The following MAGI2 variants were observed in gnomAD, a reference collection of about 807,000 sequenced individuals.
MAGI2 encodes membrane-associated guanylate kinase, WW and PDZ domain-containing protein 2.
A neutral mutation model predicts 133.3 loss-of-function variants in MAGI2; 35 were observed. That is an observed-to-expected ratio of 0.26 (90% CI 0.20 to 0.35). MAGI2 has a LOEUF of 0.35. MAGI2 is among the 10% of genes least tolerant of loss of function. The pLI, the probability that MAGI2 is intolerant of heterozygous loss-of-function variation, is 1.00. For missense variants in MAGI2, 1,636 were observed against 1,863.4 expected, an observed-to-expected ratio of 0.88 and a Z score of 2.25; for synonymous variants, 729 against 710.6, an observed-to-expected ratio of 1.03 and a Z score of -0.41.
intron 3 of MAGI2, among the ~76,000 whole-genome samples, chr7:78,587,378 C>A (rs1160315649): frequency 2.6e-5 from 4 of 152,084 alleles, no homozygotes; most frequent in African/African-American, 9.7e-5. Context: ...AATCACAGAG[C>A]ACTTACAGCT....
At chr7:78,823,928 C>A (rs1243370442) in intron 2 of MAGI2, among the ~76,000 whole-genome samples, 1 of 152,032 alleles carries the variant, frequency 6.6e-6, no homozygotes. Flanking sequence ...CACACACACA[C>A]ACACACAAAA....
At chr7:79,329,592 A>T (rs1839922610) in intron 1 of MAGI2, among the ~76,000 whole-genome samples, 1 of 152,264 alleles carries the variant, frequency 6.6e-6, no homozygotes, top group African/African-American at 2.4e-5. Flanking sequence ...TAGTAGCCAC[A>T]TATAGAATCA....
At chr7:78,745,573 G>T (rs1003118745) in intron 2 of MAGI2, among the ~76,000 whole-genome samples, 1 of 152,034 alleles carries the variant, frequency 6.6e-6, no homozygotes, top group Admixed American at 6.6e-5. Flanking sequence ...AGAGGATTTG[G>T]TAAGTTGTGT....
At chr7:78,201,360 T>C (rs1829234549) in intron 10 of MAGI2, among the ~76,000 whole-genome samples, 167 bp from the exon 11 acceptor site, 1 of 152,228 alleles carries the variant, frequency 6.6e-6, no homozygotes, top group African/African-American at 2.4e-5. Flanking sequence ...CAAAATCAAA[T>C]AATTTCATTG....
chr7:78,629,771 C>T (rs951771002), intron 2 of MAGI2, among the ~76,000 whole-genome samples: 7 of 152,170 alleles, frequency 4.6e-5, no homozygotes, highest in South Asian at 2.1e-4. Flanking sequence ...ACTGCTTTGA[C>T]GTTTTGCAGA....
intron 2 of MAGI2, among the ~76,000 whole-genome samples, chr7:78,737,722 G>A (rs1245078115): frequency 3.3e-5 from 5 of 152,018 alleles, no homozygotes; most frequent in African/African-American, 1.2e-4. Flanking sequence ...GGAAAATATA[G>A]TTATGTCTCA....
intron 1 of MAGI2, chr7:79,009,260 C>A (rs2116551905): frequency 6.6e-6 from 1 of 151,872 alleles, no homozygotes; most frequent in South Asian, 2.1e-4. Flanking sequence ...AATTACATTT[C>A]TTGAAAGTTA....
At chr7:78,044,684 T>C (rs1811215313) in intron 21 of MAGI2, among the ~76,000 whole-genome samples, 1 of 106,272 alleles carries the variant, frequency 9.4e-6, no homozygotes, top group African/African-American at 4.1e-5. Flanking sequence ...GTACCGTGTG[T>C]GTGTGTGTGT....
In MAGI2 at chr7:78,989,636, C is replaced by T. The variant is rs150330952; in HGVS notation, c.418+17454G>A. Among the ~76,000 whole-genome samples the T allele has an allele frequency of 2.6e-3, 400 of 152,152 alleles. 2 individuals are homozygous for T. Among genetic ancestry groups the T allele is most frequent in the African/African-American group, 9.0e-3 (373 of 41,548 alleles). ...GCAGCCAGTGCTCCTCCCCCTGTAT[C>T]CGAGAGTTCATACCTATATAATTCC... On this transcript the variant is annotated intron_variant, in intron 2 of 21. Coordinates refer to ENST00000354212, the MANE Select transcript of MAGI2 (RefSeq NM_012301.4).
At chr7:78,437,873 T>C (rs941893290) in intron 6 of MAGI2, among the ~76,000 whole-genome samples, 4 of 152,222 alleles carry the variant, frequency 2.6e-5, no homozygotes, top group Non-Finnish European at 4.4e-5. Context: ...AGAATATAAA[T>C]ATAAGCTTCA....
At position 78,135,175 on chromosome 7, in the gene MAGI2, A is replaced by C. The variant is rs1474326951; in HGVS notation, c.2877T>G (p.Asp959Glu). The change falls in exon 17 of 22, where the codon GAT (aspartate) becomes GAG (glutamate). Residue 959 changes from aspartate to glutamate, a missense_variant. Asp to Glu is a conservative substitution (Grantham distance 45). Coordinates refer to ENST00000354212, the MANE Select transcript of MAGI2 (RefSeq NM_012301.4). ...TVPHKIGRII[D>E]GSPADRCAKL... ...TTGCACAGCGATCTGCAGGACTCCC[A>C]TCAATGATGCGTCCGATTTTATGGG... 6.2e-7 allele frequency: 1 copy of C among 1,614,068 alleles called. No homozygotes were observed. The highest frequency in any genetic ancestry group is 8.5e-7 in the Non-Finnish European group (1 of 1,180,032).
At chr7:78,220,819 T>G (rs555671177) in intron 10 of MAGI2, among the ~76,000 whole-genome samples, 1 of 152,324 alleles carries the variant, frequency 6.6e-6, no homozygotes, top group African/African-American at 2.4e-5. Context: ...GGGACAATAT[T>G]CCTGTTCAGT....
intron 1 of MAGI2, among the ~76,000 whole-genome samples, chr7:79,074,848 C>T (rs1475672888): frequency 3.9e-5 from 6 of 152,052 alleles, no homozygotes; most frequent in East Asian, 3.9e-4. Context: ...AATTCAGCTA[C>T]GATATAGAGA....
intron 3 of MAGI2, among the ~76,000 whole-genome samples, chr7:78,556,559 T>C (rs1799840608): frequency 6.6e-6 from 1 of 152,214 alleles, no homozygotes; most frequent in South Asian, 2.1e-4. Flanking sequence ...CTTGAGGGAA[T>C]GAGGAGAGTA....
intron 2 of MAGI2, among the ~76,000 whole-genome samples, chr7:78,952,661 G>A (rs1174218582): frequency 1.3e-5 from 2 of 152,078 alleles, no homozygotes; most frequent in Admixed American, 6.6e-5. Flanking sequence ...ATGAAGAAAA[G>A]ACTCATGAAA....
At chr7:79,067,048 T>A (rs1368397033) in intron 1 of MAGI2, among the ~76,000 whole-genome samples, 1 of 152,180 alleles carries the variant, frequency 6.6e-6, no homozygotes, top group Non-Finnish European at 1.5e-5. Flanking sequence ...GCATGATGCC[T>A]CCAGCTTTGT....
At chr7:79,196,490 CT>C (rs1402087686) in intron 1 of MAGI2, among the ~76,000 whole-genome samples, 1 of 151,922 alleles carries the variant, frequency 6.6e-6, no homozygotes, top group Non-Finnish European at 1.5e-5. Flanking sequence ...TATCTAATGA[CT>C]TTCTCTTATG....
chr7:78,099,479 G>A (rs6955874), intron 20 of MAGI2, among the ~76,000 whole-genome samples: 72,387 of 151,938 alleles, frequency 0.48, 18,012 homozygotes, highest in African/African-American at 0.62. Context: ...AAACCACTCT[G>A]TTCCTTTTCA....
chr7:78,338,342 C>A (rs939553221), intron 9 of MAGI2, among the ~76,000 whole-genome samples: 1 of 152,190 alleles, frequency 6.6e-6, no homozygotes. Context: ...ACTTGTCCAC[C>A]TAGCAGATAT....
Sources: allele counts gnomAD v4.1 joint callset (sites outside exome capture counted in the v4.1 genomes callset), GRCh38; gene constraint gnomAD v4.1.1; transcripts MANE v1.5; gene names NCBI Gene and HGNC (gene_info 2026-07-23, HGNC 2026-07-21).